ZNF385B: variants seen among roughly 807,000 people sequenced by gnomAD.
ZNF385B encodes zinc finger protein 533.
In ZNF385B, 23 loss-of-function variants were observed where a neutral mutation model predicts 39.2. The observed-to-expected ratio is 0.59, with a 90% CI of 0.42 to 0.83. ZNF385B has a LOEUF of 0.83. Ranked by LOEUF, ZNF385B falls within the 40% of genes least tolerant of loss-of-function variation. ZNF385B has a pLI of 0.00. For synonymous variants in ZNF385B, 205 were observed against 222.6 expected, an observed-to-expected ratio of 0.92 and a Z score of 0.70; for missense variants, 552 against 598.9, an observed-to-expected ratio of 0.92 and a Z score of 0.82.
intron 6 of ZNF385B, among the ~76,000 whole-genome samples, chr2:179,464,005 A>G (rs750787147): frequency 1.3e-5 from 2 of 152,190 alleles, no homozygotes; most frequent in Non-Finnish European, 2.9e-5. Flanking sequence ...CATCCTCTCC[A>G]GCACCTGTTG....
intron 3 of ZNF385B, among the ~76,000 whole-genome samples, chr2:179,617,695 A>G (rs1413720051): frequency 6.6e-6 from 1 of 152,152 alleles, no homozygotes; most frequent in African/African-American, 2.4e-5. Context: ...GTTCAGGGAC[A>G]TCAATTTGAG....
chr2:179,599,072 G>A (rs984127284), intron 3 of ZNF385B, among the ~76,000 whole-genome samples: 4 of 152,284 alleles, frequency 2.6e-5, no homozygotes, highest in East Asian at 1.9e-4. Flanking sequence ...CATGAGTCGC[G>A]TAATGATTCT....
At chr2:179,672,370 T>G (rs1408988595) in intron 3 of ZNF385B, among the ~76,000 whole-genome samples, 2 of 152,172 alleles carry the variant, frequency 1.3e-5, no homozygotes, top group Admixed American at 6.5e-5. Flanking sequence ...CTCACCCATA[T>G]CTGATTTTGA....
intron 3 of ZNF385B, among the ~76,000 whole-genome samples, chr2:179,683,584 T>G (rs1023981292): frequency 4.0e-5 from 6 of 151,814 alleles, no homozygotes; most frequent in Non-Finnish European, 5.9e-5. Context: ...CAAGTGATTC[T>G]CCTGCCTCAG....
At chr2:179,627,114 T>C (rs1309084101) in intron 3 of ZNF385B, among the ~76,000 whole-genome samples, 1 of 152,180 alleles carries the variant, frequency 6.6e-6, no homozygotes, top group African/African-American at 2.4e-5. Flanking sequence ...CATTCACTTC[T>C]TAGCCTACCA....
rs75132870 is a variant in ZNF385B at position 179,800,573 on chromosome 2, A to T, written c.-154-29901T>A. Among the ~76,000 whole-genome samples, 7 of 152,250 alleles carry T rather than the reference A, an allele frequency of 4.6e-5. No homozygotes were observed. In the East Asian group the frequency reaches 1.3e-3, roughly 29 times the overall value. On this transcript the variant is annotated intron_variant, in intron 1 of 9. Coordinates refer to ENST00000410066, the MANE Select transcript of ZNF385B (RefSeq NM_152520.6). ...TAGAATTTTTAGTTCTGAATTTTGC[A>T]GTTGCCTATTATTTTCTTCTTTTCA...
chr2:179,513,009 C>T (rs1294329690), intron 5 of ZNF385B, among the ~76,000 whole-genome samples: 2 of 152,098 alleles, frequency 1.3e-5, no homozygotes, highest in African/African-American at 4.8e-5. Context: ...ATGCATGAAG[C>T]CAACTCTGGT....
intron 3 of ZNF385B, among the ~76,000 whole-genome samples, chr2:179,700,874 C>T (rs1216188777): frequency 6.6e-6 from 1 of 152,104 alleles, no homozygotes; most frequent in Non-Finnish European, 1.5e-5. Context: ...ATTAGTCGCA[C>T]ATGGTGGCAC....
intron 3 of ZNF385B, among the ~76,000 whole-genome samples, chr2:179,716,142 C>T (rs1357289404): frequency 1.3e-5 from 2 of 152,126 alleles, no homozygotes; most frequent in Non-Finnish European, 2.9e-5. Context: ...AGACATCAGT[C>T]ACTATTTTTT....
intron 5 of ZNF385B, among the ~76,000 whole-genome samples, chr2:179,512,752 T>C (rs13003114): frequency 0.3 from 45,727 of 151,984 alleles, 7,118 homozygotes; most frequent in East Asian, 0.37. Flanking sequence ...TGTGCAAATG[T>C]CTGGGACTCA....
chr2:179,825,279 A>G (rs1477105305), intron 1 of ZNF385B, among the ~76,000 whole-genome samples: 1 of 152,146 alleles, frequency 6.6e-6, no homozygotes, highest in Non-Finnish European at 1.5e-5. Flanking sequence ...CCATTTACAA[A>G]AGCAAAGCCA....
At position 179,449,718 on chromosome 2, in the gene ZNF385B, C is replaced by T. The variant is rs573640966; in HGVS notation, c.716-2948G>A. Among the ~76,000 whole-genome samples the T allele has an allele frequency of 1.6e-3, 243 of 152,224 alleles. 2 individuals carry two copies. The highest frequency in any genetic ancestry group is 2.5e-3 in the Non-Finnish European group (169 of 68,028). On this transcript the variant is annotated intron_variant, in intron 6 of 9. Coordinates refer to ENST00000410066, the MANE Select transcript of ZNF385B (RefSeq NM_152520.6). ...TTCAATGCCATCCCCATCGAGCTAC[C>T]AATGACTTTCTTCACAGAATTGGAA...
chr2:179,699,305 T>C (rs928421442), intron 3 of ZNF385B, among the ~76,000 whole-genome samples: 1 of 152,022 alleles, frequency 6.6e-6, no homozygotes, highest in Non-Finnish European at 1.5e-5. Context: ...GAGGAGAAAA[T>C]TTAAATAACA....
At chr2:179,795,518 T>C (rs1180948339) in intron 1 of ZNF385B, among the ~76,000 whole-genome samples, 1 of 152,170 alleles carries the variant, frequency 6.6e-6, no homozygotes, top group Admixed American at 6.6e-5. Context: ...AATGAGATTA[T>C]AAATTTGATA....
At position 179,753,521 on chromosome 2, in the gene ZNF385B, C is replaced by T. The variant is rs1023764314; in HGVS notation, c.298+15982G>A. Among the ~76,000 whole-genome samples the T allele has an allele frequency of 3.3e-5, 5 of 152,142 alleles. No homozygotes were observed. The South Asian group carries it at 1.0e-3, about 32-fold the overall frequency. ...GGGATAGCATTAAATCTATAAATTA[C>T]CTTGGGCTTTATGGCCATTGTCACG... On this transcript the variant is annotated intron_variant, in intron 3 of 9. Coordinates refer to ENST00000410066, the MANE Select transcript of ZNF385B (RefSeq NM_152520.6).
intron 1 of ZNF385B, among the ~76,000 whole-genome samples, chr2:179,815,690 A>G (rs1312511046): frequency 3.9e-5 from 6 of 152,156 alleles, no homozygotes; most frequent in African/African-American, 1.4e-4. Context: ...CCAGGTCACT[A>G]ATGCCCCCGA....
At chr2:179,645,003 A>C (rs1312239210) in intron 3 of ZNF385B, among the ~76,000 whole-genome samples, 1 of 152,196 alleles carries the variant, frequency 6.6e-6, no homozygotes, top group Non-Finnish European at 1.5e-5. Context: ...ATTATTATTT[A>C]TTGGCAAGAG....
intron 5 of ZNF385B, among the ~76,000 whole-genome samples, chr2:179,495,665 C>G (rs545961623): frequency 5.2e-4 from 79 of 152,218 alleles, no homozygotes; most frequent in Non-Finnish European, 4.6e-4. Flanking sequence ...TGGAGAGAGA[C>G]CCTATATGTT....
At chr2:179,856,375 CA>C (rs1297248832) in intron 1 of ZNF385B, among the ~76,000 whole-genome samples, 2 of 152,018 alleles carry the variant, frequency 1.3e-5, no homozygotes, top group Non-Finnish European at 1.5e-5. Context: ...GCAGATCCCA[CA>C]TGGCATTTTA....
Sources: allele counts gnomAD v4.1 joint callset (sites outside exome capture counted in the v4.1 genomes callset), GRCh38; gene constraint gnomAD v4.1.1; transcripts MANE v1.5; gene names NCBI Gene and HGNC (gene_info 2026-07-23, HGNC 2026-07-21).